Variants in WHAMM observed in about 807,000 individuals in gnomAD.
WHAMM encodes WASP homolog-associated protein with actin, membranes and microtubules.
WHAMM carries 67 observed loss-of-function variants against 76.5 expected under a neutral mutation model. That is an observed-to-expected ratio of 0.88 (90% confidence interval 0.72 to 1.07). WHAMM has a LOEUF of 1.07. Ranked by LOEUF, WHAMM falls within the 50% of genes least tolerant of loss-of-function variation. WHAMM has a pLI of 0.00. For synonymous variants in WHAMM, 419 were observed against 422.1 expected (o/e 0.99, Z 0.09); for missense variants, 1,021 against 1,051.1 (o/e 0.97, Z 0.40).
intron 8 of WHAMM, among the ~76,000 whole-genome samples, chr15:82,830,139 TATC>T (rs944722557): frequency 6.6e-6 from 1 of 152,010 alleles, no homozygotes; most frequent in South Asian, 2.1e-4. Flanking sequence ...CATTGAACAC[TATC>T]ATCTGATTTT....
intron 6 of WHAMM, among the ~76,000 whole-genome samples, chr15:82,825,472 T>C (rs1394099653): frequency 6.6e-6 from 1 of 152,164 alleles, no homozygotes; most frequent in African/African-American, 2.4e-5. Flanking sequence ...CTCTTTCCAC[T>C]GATTCTGGAA....
intron 8 of WHAMM, among the ~76,000 whole-genome samples, chr15:82,830,169 C>T (rs887800816): frequency 1.9e-4 from 28 of 147,784 alleles, no homozygotes; most frequent in African/African-American, 6.9e-4. Context: ...ATGTTTCAGG[C>T]GTTGTACTAT....
intron 8 of WHAMM, 52 bp from the exon 9 acceptor site, chr15:82,830,547 T>G: frequency 6.4e-7 from 1 of 1,573,358 alleles, no homozygotes; most frequent in Middle Eastern, 2.3e-4. Context: ...GTTTCAGCAT[T>G]TTGATGGTTT....
intron 5 of WHAMM, among the ~76,000 whole-genome samples, chr15:82,819,982 A>T (rs1283835635): frequency 6.6e-6 from 1 of 151,452 alleles, no homozygotes; most frequent in Non-Finnish European, 1.5e-5. Context: ...AGATCGTGCC[A>T]CTCCACTCTA....
chr15:82,833,464 G>C lies in WHAMM; in HGVS notation c.2358G>C (p.Gln786His). ...DLERSIKAAL[Q>H]RIKRVSADSE... ...AGAGGAGCATCAAGGCTGCGCTCCA[G>C]AGAATCAAGAGGGTGTCTGCTGACT... Residue 786 changes from glutamine to histidine, a missense_variant, in exon 10 of 10, where the codon CAG (glutamine) becomes CAC (histidine). Physicochemically the swap from Gln to His is conservative, Grantham distance 24. Around this residue, in one of 3 missense-constraint regions of WHAMM, gnomAD observed 509 missense variants for 492.3 expected, o/e 1.03. Coordinates refer to ENST00000286760, the MANE Select transcript of WHAMM (RefSeq NM_001080435.3). The C allele has an allele frequency of 1.2e-6, 2 of 1,614,036 alleles. No individual in the cohort carries two copies. The highest frequency in any genetic ancestry group is 1.1e-5 in the South Asian group (1 of 91,080).
At chr15:82,816,919 T>C in intron 3 of WHAMM, 77 bp downstream of exon 3, 1 of 1,385,942 alleles carries the variant, frequency 7.2e-7, no homozygotes, top group South Asian at 1.4e-5. Context: ...TGAGTCCCTC[T>C]TACGCACTAG....
At chr15:82,824,564 AC>A (rs1305091123) in intron 6 of WHAMM, among the ~76,000 whole-genome samples, 1 of 151,512 alleles carries the variant, frequency 6.6e-6, no homozygotes, top group African/African-American at 2.4e-5. Flanking sequence ...CAGGTGATCC[AC>A]CCGCCTTGGC....
rs547650008 is a variant in WHAMM at position 82,836,074 on chromosome 15, A to G, written c.*2538A>G. The G allele has an allele frequency of 1.3e-5, 2 of 152,348 alleles. No individual in the cohort carries two copies. Among genetic ancestry groups the G allele is most frequent in the East Asian group, 3.9e-4 (2 of 5,194 alleles). The allele number at this position is 152,348 out of a possible 1,614,324, so 9.4% of individuals were successfully genotyped here. ...GCCTTTGAAAAAAGGATCCTTTTCA[A>G]AAGAACGTTCTCACAATAAAAATTC... On this transcript the variant is annotated 3_prime_UTR_variant, in exon 10 of 10. Transcript: ENST00000286760.
Position 82,813,124 on chromosome 15 carries a change from G to A in WHAMM, c.631G>A (p.Ala211Thr). 6.2e-7 allele frequency: 1 copy of A among 1,604,998 alleles called. No individual in the cohort carries two copies. Among genetic ancestry groups the A allele is most frequent in the Non-Finnish European group, 8.5e-7 (1 of 1,177,578 alleles). ...LRQVIQGHGK[A>T]NTMVALMNVY... Reference sequence around the variant, plus strand: ...CTAGGTTATTCAAGGACACGGAAAAGCCAACACCATGGTAGCATTAATGAA... The same window carrying A: ...CTAGGTTATTCAAGGACACGGAAAAACCAACACCATGGTAGCATTAATGAA... The change falls in exon 2 of 10, where the codon GCC becomes ACC. Residue 211 changes from alanine (A) to threonine (T), a missense_variant. By Grantham distance (58) the Ala-to-Thr change is moderately conservative. Around this residue, in one of 3 missense-constraint regions of WHAMM, gnomAD observed 501 missense variants for 524.9 expected, o/e 0.95. Coordinates refer to ENST00000286760, the MANE Select transcript of WHAMM (RefSeq NM_001080435.3).
At chr15:82,832,451 C>T (rs76084287) in intron 9 of WHAMM, among the ~76,000 whole-genome samples, 20 of 152,160 alleles carry the variant, frequency 1.3e-4, no homozygotes, top group Admixed American at 2.0e-4. Flanking sequence ...CTCCAGCAGG[C>T]GATAAAAGAT....
In WHAMM at chr15:82,833,400, G is replaced by A; in HGVS notation, c.2294G>A (p.Ser765Asn). The A allele has an allele frequency of 1.2e-6, 2 of 1,614,012 alleles. No individual in the cohort carries two copies. The highest frequency in any genetic ancestry group is 1.1e-5 in the South Asian group (1 of 91,076). ...CACCCTGATCTTGGCCCAAACCCCA[G>A]CAGCAAACCAACCAGCAACAGACGC... The part of the protein sequence containing the change: ...KVHPDLGPNP[S>N]SKPTSNRRTS... Residue 765 changes from serine to asparagine, a missense_variant, in exon 10 of 10, where the codon AGC becomes AAC. Ser to Asn is a conservative substitution (Grantham distance 46, BLOSUM62 1). Coordinates refer to ENST00000286760, the MANE Select transcript of WHAMM (RefSeq NM_001080435.3).
In WHAMM at chr15:82,816,702, A is replaced by G. The variant is rs1212090819; in HGVS notation, c.794A>G (p.Asp265Gly). Reference protein sequence around the residue: ...LCKLDILKSLDEDDLGPRRVV... With the variant: ...LCKLDILKSLGEDDLGPRRVV... ...CCCTTCTGTCTGTAGAAGTCTTTGG[A>G]TGAGGATGACCTAGGTCCTAGAAGG... Residue 265 changes from aspartate (D) to glycine (G), a missense_variant, in exon 3 of 10, where the codon GAT becomes GGT. Asp to Gly is a moderately conservative substitution (Grantham distance 94). Coordinates refer to ENST00000286760, the MANE Select transcript of WHAMM (RefSeq NM_001080435.3). 1 of 1,552,914 alleles carries G rather than the reference A, an allele frequency of 6.4e-7. No individual in the cohort carries two copies. The highest frequency in any genetic ancestry group is 8.7e-7 in the Non-Finnish European group (1 of 1,147,900).
In WHAMM at chr15:82,818,094, G is replaced by C. The variant is rs2050757534; in HGVS notation, c.1104+5G>C. The C allele has an allele frequency of 3.3e-6, 5 of 1,538,162 alleles. No individual in the cohort carries two copies. In the East Asian group the frequency reaches 1.2e-4, roughly 38 times the overall value. ...AGAGCTGAAATTCAGGGAAAGGTAA[G>C]ACAAAGATAAACATAACTTTGTTTT... On this transcript the variant is annotated splice_donor_5th_base_variant and intron_variant, in intron 4 of 9. Transcript: ENST00000286760.
chr15:82,818,051 T>C lies in WHAMM; in HGVS notation c.1066T>C (p.Leu356=). The C allele has an allele frequency of 6.4e-7, 1 of 1,551,754 alleles. No individual in the cohort carries two copies. Among genetic ancestry groups the C allele is most frequent in the Non-Finnish European group, 8.7e-7 (1 of 1,147,740 alleles). Residue 356 remains leucine, a synonymous_variant, in exon 4 of 10, where the codon TTG becomes CTG. Coordinates refer to ENST00000286760, the MANE Select transcript of WHAMM (RefSeq NM_001080435.3). ...TCTGCAACTCATGAGAGCGAAAGAG[T>C]TGTGTTTAAATCACAAAAGAGCTGA... ...ETLQLMRAKE[L]CLNHKRAEIQ...
rs190066990 is a variant in WHAMM at position 82,833,650 on chromosome 15, G to A, written c.*114G>A. The A allele has an allele frequency of 3.8e-5, 45 of 1,181,164 alleles. No homozygotes were observed. Among genetic ancestry groups the A allele is most frequent in the South Asian group, 9.3e-5 (6 of 64,172 alleles). The allele number at this position is 1,181,164 out of a possible 1,614,324, so 73.2% of individuals were successfully genotyped here. On this transcript the variant is annotated 3_prime_UTR_variant, in exon 10 of 10. Coordinates refer to ENST00000286760, the MANE Select transcript of WHAMM (RefSeq NM_001080435.3). ...TGATAGATGGGCCACATAACACCCCGGAAGATCAGCAGGGCCTTGTGTAGG... is the reference window on the plus strand; with the variant it reads ...TGATAGATGGGCCACATAACACCCCAGAAGATCAGCAGGGCCTTGTGTAGG...
At chr15:82,820,914 A>AG (rs2050813297) in intron 5 of WHAMM, among the ~76,000 whole-genome samples, 1 of 150,900 alleles carries the variant, frequency 6.6e-6, no homozygotes, top group Non-Finnish European at 1.5e-5. Context: ...AAAAAAAAAA[A>AG]AAAAAAGAAA....
In WHAMM at chr15:82,831,304, C is replaced by T. The variant is rs753284579; in HGVS notation, c.2122+225C>T. On this transcript the variant is annotated intron_variant, in intron 9 of 9. Transcript: ENST00000286760. ...AAATGTTAATTCAGTTTGAAGAAAC[C>T]ATCTCTATACATTTAATGATCGCAT... is the stretch of plus-strand genomic sequence containing the variant. 5.3e-5 allele frequency among the ~76,000 whole-genome samples: 8 copies of T among 152,100 alleles called. No individual in the cohort carries two copies. In the South Asian group the frequency reaches 1.7e-3, roughly 32 times the overall value.
intron 6 of WHAMM, among the ~76,000 whole-genome samples, chr15:82,823,818 G>C (rs755205124): frequency 2.6e-5 from 4 of 152,062 alleles, no homozygotes; most frequent in Non-Finnish European, 4.4e-5. Context: ...CGCCCACCTT[G>C]GCCTCCCAAA....
rs776006806 is a variant in WHAMM, at chr15:82,813,167, A to T, written c.674A>T (p.Asp225Val). The T allele has an allele frequency of 3.1e-6, 5 of 1,612,932 alleles. No homozygotes were observed. The highest frequency in any genetic ancestry group is 4.2e-6 in the Non-Finnish European group (5 of 1,179,532). Reference protein sequence around the residue: ...VALMNVYQEEDEAYQELVTVA... With the variant: ...VALMNVYQEEVEAYQELVTVA... ...TTAATGAACGTTTACCAAGAGGAAG[A>T]TGAAGCATACCAGGAATTGGTTACC... is the stretch of plus-strand genomic sequence containing the variant. Residue 225 changes from aspartate (D) to valine (V), a missense_variant, in exon 2 of 10, where the codon GAT becomes GTT. Coordinates refer to ENST00000286760, the MANE Select transcript of WHAMM (RefSeq NM_001080435.3).
Sources: allele counts gnomAD v4.1 joint callset (sites outside exome capture counted in the v4.1 genomes callset), GRCh38; gene constraint gnomAD v4.1.1; regional missense constraint gnomAD v4.1.1; transcripts MANE v1.5; gene names NCBI Gene and HGNC (gene_info 2026-07-23, HGNC 2026-07-21).